Variants in PLCD4 observed in about 807,000 individuals in gnomAD.
PLCD4 encodes the protein phospholipase C delta 4.
Under a neutral mutation model 90.2 loss-of-function variants are expected in PLCD4, and 63 were observed. That is an observed-to-expected ratio of 0.70 (90% CI 0.57 to 0.86). The LOEUF (loss-of-function observed/expected upper bound fraction) is 0.86, where lower values mean the gene tolerates loss of function less well. Ranked by LOEUF, PLCD4 falls within the 40% of genes least tolerant of loss-of-function variation. The pLI is 0.00. For missense variants in PLCD4, 830 were observed against 956.3 expected, an observed-to-expected ratio of 0.87 and a Z score of 1.74; for synonymous variants, 294 against 356.5, an observed-to-expected ratio of 0.82 and a Z score of 1.97.
intron 4 of PLCD4, 26 bp downstream of exon 4, chr2:218,618,833 G>A (rs1399548106): frequency 6.4e-7 from 1 of 1,553,648 alleles, no homozygotes. Flanking sequence ...AGTCAGGGTG[G>A]GGGTGAGGGA....
chr2:218,612,465 T>C (rs113738908), intron 1 of PLCD4, among the ~76,000 whole-genome samples: 54 of 152,278 alleles, frequency 3.5e-4, no homozygotes, highest in African/African-American at 1.2e-3. Flanking sequence ...TACCTATACA[T>C]TACTACCCAT....
chr2:218,628,049 A>G lies in PLCD4; in HGVS notation c.793A>G (p.Ser265Gly). ...TCCAGGCAAACTGCGGCATGTGCTG[A>G]GTATGGATGGCTTCCTCAGCTACCT... ...SDSGKLRHVLSMDGFLSYLCS... is the reference protein window; with the variant it reads ...SDSGKLRHVLGMDGFLSYLCS... Residue 265 changes from serine to glycine, a missense_variant, in exon 7 of 16, where the codon AGT becomes GGT. Coordinates refer to ENST00000450993, the MANE Select transcript of PLCD4 (RefSeq NM_032726.4). 1 of 1,613,824 alleles carries G rather than the reference A, an allele frequency of 6.2e-7. No individual in the cohort carries two copies. Among genetic ancestry groups the G allele is most frequent in the Non-Finnish European group, 8.5e-7 (1 of 1,179,810 alleles).
chr2:218,619,721 G>A (rs949001265), intron 4 of PLCD4, among the ~76,000 whole-genome samples: 1 of 152,058 alleles, frequency 6.6e-6, no homozygotes, highest in Non-Finnish European at 1.5e-5. Flanking sequence ...GATCACTTGA[G>A]GCAGGCAGAT....
At chr2:218,627,843 C>T (rs1182066573) in intron 6 of PLCD4, among the ~76,000 whole-genome samples, 186 bp from the exon 7 acceptor site, 1 of 152,120 alleles carries the variant, frequency 6.6e-6, no homozygotes. Flanking sequence ...TTTTAACATT[C>T]TTTGAGGGTG....
At chr2:218,609,638 C>A (rs1249057968) in intron 1 of PLCD4, 1 of 152,238 alleles carries the variant, frequency 6.6e-6, no homozygotes, top group Non-Finnish European at 1.5e-5. Context: ...GGGCATCCTT[C>A]CCATTCTACC....
At chr2:218,633,855 T>G (rs1575041505) in intron 11 of PLCD4, 94 bp downstream of exon 11, 1 of 1,451,654 alleles carries the variant, frequency 6.9e-7, no homozygotes. Flanking sequence ...AAAGACAAGG[T>G]AGCTAAGGAG....
At chr2:218,632,937 G>A (rs977793003) in intron 10 of PLCD4, among the ~76,000 whole-genome samples, 6 of 152,160 alleles carry the variant, frequency 3.9e-5, no homozygotes, top group South Asian at 4.1e-4. Flanking sequence ...GAGAAGGGAT[G>A]CCATTGGTGG....
chr2:218,618,937 G>A (rs986535677), intron 4 of PLCD4, 130 bp downstream of exon 4: 1 of 787,484 alleles, frequency 1.3e-6, no homozygotes, highest in Non-Finnish European at 2.0e-6. Flanking sequence ...GATGGTATGG[G>A]CAGGGACAGC....
intron 3 of PLCD4, among the ~76,000 whole-genome samples, 197 bp from the exon 4 acceptor site, chr2:218,618,382 C>T (rs1695716487): frequency 6.6e-6 from 1 of 152,224 alleles, no homozygotes. Context: ...CCTTTGAAAA[C>T]ATCAGTGATT....
At chr2:218,632,991 C>T (rs765260483) in intron 10 of PLCD4, among the ~76,000 whole-genome samples, 2 of 152,128 alleles carry the variant, frequency 1.3e-5, no homozygotes, top group Non-Finnish European at 2.9e-5. Context: ...CTCTTGTGTA[C>T]TTGCGTGGCT....
chr2:218,618,610 T>G lies in PLCD4; in HGVS notation c.213T>G (p.Asn71Lys), dbSNP rs752091400. 1 of 1,614,068 alleles carries G rather than the reference T, an allele frequency of 6.2e-7. No homozygotes were observed. The highest frequency in any genetic ancestry group is 1.1e-5 in the South Asian group (1 of 91,086). ...TCTCTGATGTGGAGACAATACGTAATGGCCATGATTCCGAGTTGCTGCGTA... is the reference window on the plus strand; with the variant it reads ...TCTCTGATGTGGAGACAATACGTAAGGGCCATGATTCCGAGTTGCTGCGTA... ...FSISDVETIR[N>K]GHDSELLRSL... The change falls in exon 4 of 16, where the codon AAT becomes AAG. Residue 71 changes from asparagine (N) to lysine (K), a missense_variant. Asn to Lys is a moderately conservative substitution (Grantham distance 94). Coordinates refer to ENST00000450993, the MANE Select transcript of PLCD4 (RefSeq NM_032726.4).
intron 7 of PLCD4, chr2:218,628,792 C>T (rs568859858): frequency 6.5e-6 from 1 of 154,638 alleles, no homozygotes; most frequent in South Asian, 2.0e-4. Flanking sequence ...TTACCAGCAA[C>T]TGAACTAGTA....
Position 218,621,468 on chromosome 2 carries a change from G to A in PLCD4, c.411-2G>A. 6.2e-7 allele frequency: 1 copy of A among 1,613,876 alleles called. No homozygotes were observed. The highest frequency in any genetic ancestry group is 8.5e-7 in the Non-Finnish European group (1 of 1,179,794). ...AGTGCTTTTGCCTTGACTCATACCT[G>A]GATGGCTGAGCGATTGGTTTCAACG... On this transcript the variant is annotated splice_acceptor_variant, in intron 4 of 15. Coordinates refer to ENST00000450993, the MANE Select transcript of PLCD4 (RefSeq NM_032726.4). LOFTEE classifies it high-confidence loss of function.
intron 8 of PLCD4, 56 bp from the exon 9 acceptor site, chr2:218,630,594 A>G (rs1696318099): frequency 6.2e-7 from 1 of 1,607,514 alleles, no homozygotes; most frequent in Admixed American, 1.7e-5. Flanking sequence ...TACTTGAAGA[A>G]GTAGGTTGCA....
At position 218,622,861 on chromosome 2, in the gene PLCD4, A is replaced by T; in HGVS notation, c.755A>T (p.Tyr252Phe). ...CTTGCTCTGGAACTCATTGACCGCT[A>T]TGAACCTTCAGACAGTGGTAAGAGA... Reference protein sequence around the residue: ...SELALELIDRYEPSDSGKLRH... With the variant: ...SELALELIDRFEPSDSGKLRH... Residue 252 changes from tyrosine to phenylalanine, a missense_variant, in exon 6 of 16, where the codon TAT becomes TTT. Coordinates refer to ENST00000450993, the MANE Select transcript of PLCD4 (RefSeq NM_032726.4). The T allele has an allele frequency of 6.2e-7, 1 of 1,613,832 alleles. No individual in the cohort carries two copies. The highest frequency in any genetic ancestry group is 1.3e-5 in the African/African-American group (1 of 75,064).
At chr2:218,622,109 A>G (rs1267377956) in intron 5 of PLCD4, 1 of 153,630 alleles carries the variant, frequency 6.5e-6, no homozygotes, top group Non-Finnish European at 1.4e-5. Context: ...AAGAAAAAGA[A>G]AAGTCATGAT....
chr2:218,629,262 A>C, intron 7 of PLCD4: 16 of 408,804 alleles, frequency 3.9e-5, no homozygotes, highest in Non-Finnish European at 4.0e-5. Context: ...CCAGAACACC[A>C]GATGCATCAT....
intron 10 of PLCD4, 85 bp downstream of exon 10, chr2:218,632,397 A>T: frequency 7.2e-7 from 1 of 1,380,178 alleles, no homozygotes; most frequent in Non-Finnish European, 9.7e-7. Context: ...GAGCCGTGCA[A>T]GATGCAGGGC....
At chr2:218,632,469 A>AT (rs1171147855) in intron 10 of PLCD4, among the ~76,000 whole-genome samples, 157 bp downstream of exon 10, 1 of 152,124 alleles carries the variant, frequency 6.6e-6, no homozygotes, top group Non-Finnish European at 1.5e-5. Flanking sequence ...TGGCATCAAT[A>AT]TATATTATAT....
Sources: gnomAD v4.1 joint callset for allele counts (sites outside exome capture counted in the v4.1 genomes callset) on GRCh38, gnomAD v4.1.1 for gene constraint, MANE v1.5 for transcripts, NCBI Gene and HGNC (gene_info 2026-07-23, HGNC 2026-07-21) for gene names.